Variants in CNGA3 observed in about 807,000 individuals in gnomAD.
CNGA3 encodes cyclic nucleotide-gated channel alpha-3.
A neutral mutation model predicts 46.6 loss-of-function variants in CNGA3; 42 were observed. The ratio of observed to expected loss-of-function variants is 0.90; its 90% CI spans 0.70 to 1.17. The LOEUF is 1.17. CNGA3 is among the 50% of genes most tolerant of loss of function. The pLI is 0.00. For synonymous variants in CNGA3, 394 were observed against 369.4 expected, an observed-to-expected ratio of 1.07 and a Z score of -0.76; for missense variants, 893 against 890.7, an observed-to-expected ratio of 1.00 and a Z score of -0.03.
At position 98,368,501 on chromosome 2, in the gene CNGA3, A is replaced by G. The variant is rs1251323865; in HGVS notation, c.-37-1438A>G. ...CCAATCACACCAGCCCTGCTCTCAC[A>G]TAGGCTTTCTTTTCAATCACAGGGG... On this transcript the variant is annotated intron_variant, in intron 1 of 7. Coordinates refer to ENST00000272602, the MANE Select transcript of CNGA3 (RefSeq NM_001298.3). Among the ~76,000 whole-genome samples the G allele has an allele frequency of 2.6e-5, 4 of 152,200 alleles. No individual in the cohort carries two copies. In the East Asian group the frequency reaches 5.8e-4, roughly 22 times the overall value.
intron 2 of CNGA3, among the ~76,000 whole-genome samples, chr2:98,375,697 A>T (rs552814433): frequency 3.3e-5 from 5 of 152,378 alleles, no homozygotes; most frequent in Admixed American, 1.3e-4. Flanking sequence ...CATATGGATT[A>T]CAGCAATGTC....
chr2:98,357,304 G>A (rs1691906000), intron 1 of CNGA3, among the ~76,000 whole-genome samples: 1 of 152,208 alleles, frequency 6.6e-6, no homozygotes, highest in South Asian at 2.1e-4. Context: ...AGTCACAGCT[G>A]AATCCTTGAA....
intron 5 of CNGA3, 36 bp downstream of exon 5, chr2:98,383,477 G>C: frequency 6.2e-7 from 1 of 1,610,556 alleles, no homozygotes; most frequent in East Asian, 2.2e-5. Context: ...CCCTCCCCAA[G>C]CCCGGTGCCC....
intron 7 of CNGA3, 145 bp from the exon 8 acceptor site, chr2:98,395,699 A>G: frequency 1.4e-6 from 1 of 691,762 alleles, no homozygotes; most frequent in South Asian, 1.7e-5. Context: ...TCCTGTAGTA[A>G]TGGTAAGTGT....
chr2:98,372,104 G>C (rs1692300966), intron 2 of CNGA3, among the ~76,000 whole-genome samples: 1 of 152,204 alleles, frequency 6.6e-6, no homozygotes. Flanking sequence ...ACCCACTGGA[G>C]TAGGCACCCA....
intron 1 of CNGA3, among the ~76,000 whole-genome samples, chr2:98,357,238 C>T (rs1691904540): frequency 2.0e-5 from 3 of 152,172 alleles, no homozygotes; most frequent in Admixed American, 2.0e-4. Flanking sequence ...CCTGACTACT[C>T]AGGCGTCCGG....
In CNGA3 at chr2:98,396,295, T is replaced by C; in HGVS notation, c.1125T>C (p.Asp375=). The C allele has an allele frequency of 6.2e-7, 1 of 1,610,894 alleles. No individual in the cohort carries two copies. The highest frequency in any genetic ancestry group is 1.1e-5 in the South Asian group (1 of 90,966). The stretch of plus-strand genomic sequence containing the variant: ...GTGAGACCCCACCCCCCGTGAAAGA[T>C]GAGGAGTATCTCTTTGTGGTCGTAG... ...TIGETPPPVK[D]EEYLFVVVDF... The change falls in exon 8 of 8, where the codon GAT becomes GAC. Residue 375 remains aspartate (D), a synonymous_variant. Transcript: ENST00000272602.
At chr2:98,391,786 G>A (rs1692793648) in intron 6 of CNGA3, 78 bp from the exon 7 acceptor site, 1 of 1,371,772 alleles carries the variant, frequency 7.3e-7, no homozygotes, top group Non-Finnish European at 1.0e-6. Flanking sequence ...CTTCCACACA[G>A]AGCCCGTGCC....
intron 1 of CNGA3, among the ~76,000 whole-genome samples, chr2:98,347,654 C>T (rs1218810062): frequency 6.6e-6 from 1 of 152,172 alleles, no homozygotes; most frequent in South Asian, 2.1e-4. Flanking sequence ...CGCAGTCCGC[C>T]GGCTCAGGCC....
At chr2:98,361,895 G>C (rs1692042560) in intron 1 of CNGA3, among the ~76,000 whole-genome samples, 2 of 151,772 alleles carry the variant, frequency 1.3e-5, no homozygotes, top group East Asian at 1.9e-4. Context: ...TTTTAGTAGA[G>C]ACAGGGTTTC....
chr2:98,355,260 C>T (rs368724411), intron 1 of CNGA3, among the ~76,000 whole-genome samples: 5 of 152,178 alleles, frequency 3.3e-5, no homozygotes, highest in East Asian at 1.9e-4. Context: ...AGTGTCCTTT[C>T]ATGTAAATTC....
At chr2:98,358,253 G>C (rs945801345) in intron 1 of CNGA3, among the ~76,000 whole-genome samples, 2 of 152,210 alleles carry the variant, frequency 1.3e-5, no homozygotes, top group Non-Finnish European at 2.9e-5. Context: ...TGTTTATTCG[G>C]CCTTTCCTAT....
At chr2:98,359,396 A>G (rs1111581) in intron 1 of CNGA3, among the ~76,000 whole-genome samples, 34,093 of 152,216 alleles carry the variant, frequency 0.22, 4,333 homozygotes, top group Admixed American at 0.37. Flanking sequence ...CCCAGCATGC[A>G]GCTGGTTGCC....
chr2:98,383,479 C>A (rs1317937492), intron 5 of CNGA3, 38 bp downstream of exon 5: 1 of 1,607,880 alleles, frequency 6.2e-7, no homozygotes, highest in Non-Finnish European at 8.5e-7. Context: ...CTCCCCAAGC[C>A]CGGTGCCCTC....
chr2:98,396,326 T>G lies in CNGA3; in HGVS notation c.1156T>G (p.Leu386Val). The stretch of plus-strand genomic sequence containing the variant: ...GTATCTCTTTGTGGTCGTAGACTTC[T>G]TGGTGGGTGTTCTGATTTTTGCCAC... ...EEYLFVVVDF[L>V]VGVLIFATIV... The change falls in exon 8 of 8, where the codon TTG (leucine) becomes GTG (valine). Residue 386 changes from leucine to valine, a missense_variant. This residue lies in a region of CNGA3 where 548 missense variants were observed against 570.8 expected (regional missense o/e 0.96). Coordinates refer to ENST00000272602, the MANE Select transcript of CNGA3 (RefSeq NM_001298.3). The G allele has an allele frequency of 6.2e-7, 1 of 1,611,870 alleles. No homozygotes were observed. The highest frequency in any genetic ancestry group is 1.1e-5 in the South Asian group (1 of 91,030).
chr2:98,365,093 A>T (rs546013748), intron 1 of CNGA3, among the ~76,000 whole-genome samples: 45 of 150,434 alleles, frequency 3.0e-4, no homozygotes, highest in African/African-American at 9.1e-4. Context: ...GCTGAAGTGC[A>T]GTGGTGCAAT....
chr2:98,381,453 T>C (rs1692535698), intron 4 of CNGA3, among the ~76,000 whole-genome samples: 1 of 152,154 alleles, frequency 6.6e-6, no homozygotes, highest in Admixed American at 6.5e-5. Flanking sequence ...TGTGTGAAGG[T>C]GATGAAGTCT....
rs568905562 is a variant in CNGA3 at position 98,348,026 on chromosome 2, C to T, written c.-38+1492C>T. Among the ~76,000 whole-genome samples, 534 of 152,276 alleles carry T rather than the reference C, an allele frequency of 3.5e-3. 4 individuals are homozygous for T. Among genetic ancestry groups the T allele is most frequent in the Admixed American group, 7.1e-3 (109 of 15,300 alleles). On this transcript the variant is annotated intron_variant, in intron 1 of 7. Transcript: ENST00000272602. The stretch of plus-strand genomic sequence containing the variant: ...TGGTATCCACCAACTGGGTCTTCTA[C>T]GCCAGAGTCCCAGTTGTAGAAAAGT...
At position 98,391,028 on chromosome 2, in the gene CNGA3, C is replaced by T. The variant is rs1408711120; in HGVS notation, c.567-836C>T. Reference sequence around the variant, plus strand: ...AGTAGGCAGTAGGCTTTGGGGCACTCCTGAGCAAGCCTGCAAGACAGAGAG... The same window carrying T: ...AGTAGGCAGTAGGCTTTGGGGCACTTCTGAGCAAGCCTGCAAGACAGAGAG... On this transcript the variant is annotated intron_variant, in intron 6 of 7. Transcript: ENST00000272602. 2.0e-5 allele frequency among the ~76,000 whole-genome samples: 3 copies of T among 151,842 alleles called. No homozygotes were observed. The East Asian group carries it at 5.8e-4, about 29-fold the overall frequency.
Sources: allele counts gnomAD v4.1 joint callset (sites outside exome capture counted in the v4.1 genomes callset), GRCh38; gene constraint gnomAD v4.1.1; regional missense constraint gnomAD v4.1.1; transcripts MANE v1.5; gene names NCBI Gene and HGNC (gene_info 2026-07-23, HGNC 2026-07-21).